ATP2B2: variants seen among roughly 807,000 people sequenced by gnomAD.
ATP2B2 encodes ATPase plasma membrane Ca2+ transporting 2.
In ATP2B2, 15 loss-of-function variants were observed where a neutral mutation model predicts 120.0. The observed-to-expected ratio is 0.12, with a 90% CI of 0.08 to 0.19. ATP2B2 has a LOEUF of 0.19. Ranked by LOEUF, ATP2B2 falls within the 10% of genes least tolerant of loss-of-function variation. The pLI is 1.00. For synonymous variants in ATP2B2, 694 were observed against 700.3 expected, an observed-to-expected ratio of 0.99 and a Z score of 0.14; for missense variants, 1,045 against 1,719.8, an observed-to-expected ratio of 0.61 and a Z score of 6.94.
intron 21 of ATP2B2, 75 bp from the exon 22 acceptor site, chr3:10,338,433 C>T: frequency 6.5e-7 from 1 of 1,527,874 alleles, no homozygotes; most frequent in Non-Finnish European, 9.1e-7. Context: ...ACCCGCTCCT[C>T]TACCTCCCTC....
chr3:10,343,651 C>T lies in ATP2B2; in HGVS notation c.2704-686G>A, dbSNP rs1177071359. ...TCTGTCCCCATCCTTCCTCACACCC[C>T]CACGTATCTTGTCCACAGCAGCCAG... On this transcript the variant is annotated intron_variant, in intron 18 of 22. Transcript: ENST00000360273. The surrounding 1 kb of genome is among the most constrained non-coding windows in gnomAD (Gnocchi z 4.2). Among the ~76,000 whole-genome samples the T allele has an allele frequency of 1.3e-5, 2 of 152,036 alleles. No homozygotes were observed. The highest frequency in any genetic ancestry group is 2.9e-5 in the Non-Finnish European group (2 of 68,020).
intron 2 of ATP2B2, among the ~76,000 whole-genome samples, chr3:10,440,154 T>C (rs2063614955): frequency 1.4e-5 from 2 of 140,220 alleles, no homozygotes; most frequent in South Asian, 2.4e-4. Flanking sequence ...CTCTGGTTCA[T>C]GGTGGTGGGT....
At chr3:10,666,424 T>C (rs2070939148) in intron 1 of ATP2B2, among the ~76,000 whole-genome samples, 1 of 152,300 alleles carries the variant, frequency 6.6e-6, no homozygotes, top group Non-Finnish European at 1.5e-5. Context: ...TCCTTCTCCC[T>C]GATACCCCAG....
intron 2 of ATP2B2, among the ~76,000 whole-genome samples, chr3:10,559,813 C>T (rs142918432): frequency 1.3e-5 from 2 of 152,292 alleles, no homozygotes; most frequent in East Asian, 1.9e-4. Flanking sequence ...GTGTTCCTTC[C>T]GCGGGGAGCT....
chr3:10,607,138 G>A (rs1390192649), intron 2 of ATP2B2, among the ~76,000 whole-genome samples: 3 of 152,084 alleles, frequency 2.0e-5, no homozygotes, highest in Non-Finnish European at 4.4e-5. Flanking sequence ...TGTGGCACTG[G>A]CTTGGCGGTC....
chr3:10,658,768 G>A, intron 1 of ATP2B2, among the ~76,000 whole-genome samples: 1 of 152,044 alleles, frequency 6.6e-6, no homozygotes, highest in Non-Finnish European at 1.5e-5. Flanking sequence ...TCCTCGAGAA[G>A]AGCAACTCCA....
At chr3:10,541,414 C>T (rs925302268) in intron 2 of ATP2B2, among the ~76,000 whole-genome samples, 6 of 152,126 alleles carry the variant, frequency 3.9e-5, no homozygotes, top group Non-Finnish European at 8.8e-5. Flanking sequence ...CTATAAATTT[C>T]CCTCACAGCA....
intron 2 of ATP2B2, among the ~76,000 whole-genome samples, chr3:10,416,968 C>T (rs1286233019): frequency 1.4e-5 from 2 of 147,340 alleles, no homozygotes; most frequent in African/African-American, 5.1e-5. Context: ...GGCAGAGCGG[C>T]TCCTCACTTC....
chr3:10,402,121 C>A lies in ATP2B2; in HGVS notation c.625G>T (p.Val209Leu). ...TTGACCTGGGCTATGTCCCCAACCA[C>A]GATCTCAGCCACAGGGATCTGGACC... ...QVVQIPVAEI[V>L]VGDIAQVKYG... Residue 209 changes from valine to leucine, a missense_variant, in exon 4 of 23, where the codon GTG becomes TTG. By Grantham distance (32) the Val-to-Leu change is conservative (BLOSUM62 1). Coordinates refer to ENST00000360273, the MANE Select transcript of ATP2B2 (RefSeq NM_001001331.4). This position sits in a 1 kb window ranked among gnomAD's most constrained non-coding sequence, Gnocchi z 4.9. 6.2e-7 allele frequency: 1 copy of A among 1,614,110 alleles called. No homozygotes were observed. The highest frequency in any genetic ancestry group is 8.5e-7 in the Non-Finnish European group (1 of 1,180,044).
intron 14 of ATP2B2, among the ~76,000 whole-genome samples, chr3:10,358,174 TG>T (rs2060794810): frequency 2.0e-5 from 3 of 152,232 alleles, no homozygotes; most frequent in Admixed American, 2.0e-4. Context: ...GCCAGCTTGC[TG>T]GGGTAAACTG....
intron 3 of ATP2B2, among the ~76,000 whole-genome samples, chr3:10,516,861 C>G (rs912211050): frequency 3.3e-5 from 5 of 152,176 alleles, no homozygotes; most frequent in African/African-American, 1.2e-4. Context: ...GTACGGTGAG[C>G]TGAAGTGACA....
At chr3:10,434,036 A>T (rs1309209091) in intron 2 of ATP2B2, among the ~76,000 whole-genome samples, 1 of 152,222 alleles carries the variant, frequency 6.6e-6, no homozygotes, top group Non-Finnish European at 1.5e-5. Context: ...GTGTAAAAAA[A>T]AAAATGCAGC....
intron 2 of ATP2B2, among the ~76,000 whole-genome samples, chr3:10,417,557 C>T (rs896386811): frequency 2.6e-5 from 4 of 152,224 alleles, no homozygotes; most frequent in African/African-American, 9.6e-5. Context: ...AGTTCCCCCA[C>T]CCTTCTCAGG....
chr3:10,566,462 G>A (rs4234501), intron 2 of ATP2B2: 147,654 of 152,364 alleles, frequency 0.97, 71,590 homozygotes, highest in East Asian at 1. Flanking sequence ...AAAGGCATAT[G>A]ATGCCCCAAC....
intron 8 of ATP2B2, among the ~76,000 whole-genome samples, chr3:10,382,892 G>A (rs1411001250): frequency 1.3e-5 from 2 of 151,622 alleles, no homozygotes; most frequent in African/African-American, 4.8e-5. Context: ...TGGCTCAGAG[G>A]AAGGAGGGGA....
intron 1 of ATP2B2, among the ~76,000 whole-genome samples, chr3:10,504,034 G>A (rs142218319): frequency 3.0e-4 from 46 of 152,328 alleles, no homozygotes; most frequent in South Asian, 8.3e-4. Context: ...CATATATGAC[G>A]CACTACTTAT....
At chr3:10,621,981 A>G (rs2069564339) in intron 1 of ATP2B2, among the ~76,000 whole-genome samples, 1 of 152,198 alleles carries the variant, frequency 6.6e-6, no homozygotes, top group East Asian at 1.9e-4. Flanking sequence ...TCATTGAGAC[A>G]CCCTCTGACT....
chr3:10,536,794 T>G (rs781502680), intron 2 of ATP2B2, among the ~76,000 whole-genome samples: 1 of 152,184 alleles, frequency 6.6e-6, no homozygotes. Context: ...TCCCAAAGTG[T>G]TGGGATTACA....
chr3:10,398,006 G>A (rs1166497485), intron 5 of ATP2B2, among the ~76,000 whole-genome samples: 1 of 152,128 alleles, frequency 6.6e-6, no homozygotes, highest in Non-Finnish European at 1.5e-5. Flanking sequence ...CCACGCAATT[G>A]CATTTCTGAT....
Sources: gnomAD v4.1 joint callset for allele counts (sites outside exome capture counted in the v4.1 genomes callset) on GRCh38, gnomAD v4.1.1 for gene constraint, Gnocchi (gnomAD v3.1) non-coding constraint, MANE v1.5 for transcripts, NCBI Gene and HGNC (gene_info 2026-07-23, HGNC 2026-07-21) for gene names.